Variants in RAD18 observed in about 807,000 individuals in gnomAD.
The protein encoded by RAD18 is RAD18 E3 ubiquitin protein ligase.
A neutral mutation model predicts 60.4 loss-of-function variants in RAD18; 47 were observed. That is an observed-to-expected ratio of 0.78 (90% CI 0.62 to 0.99). The LOEUF is 0.99. Among genes scored for constraint, RAD18 ranks in the 50% least tolerant of loss-of-function variants. The probability of loss-of-function intolerance (pLI) is 0.00; values close to 1 mark genes in which losing one functional copy is unlikely to be tolerated. For synonymous variants in RAD18, 225 were observed against 195.5 expected (o/e 1.15, Z -1.26); for missense variants, 640 against 593.3 (o/e 1.08, Z -0.82).
chr3:8,901,780 T>C (rs1939917344), intron 10 of RAD18, among the ~76,000 whole-genome samples: 1 of 152,206 alleles, frequency 6.6e-6, no homozygotes, highest in Non-Finnish European at 1.5e-5. Flanking sequence ...TGTACATTTA[T>C]GAAGGGTTAA....
chr3:8,954,833 G>A (rs1940981987), intron 2 of RAD18, among the ~76,000 whole-genome samples: 1 of 152,120 alleles, frequency 6.6e-6, no homozygotes, highest in African/African-American at 2.4e-5. Flanking sequence ...AGCCCTGGGG[G>A]TTTTGTGTCA....
In RAD18 at chr3:8,902,381, C is replaced by T. The variant is rs767373994; in HGVS notation, c.1167G>A (p.Met389Ile). 4 of 1,582,212 alleles carry T rather than the reference C, an allele frequency of 2.5e-6. No homozygotes were observed. The East Asian group carries it at 7.0e-5, about 28-fold the overall frequency. ...ESTEKLSSVC[M>I]GQEDNMTSVT... ...CTGTTTTTAATTATAGTCTCTTACC[C>T]ATGCATACAGAAGATAGCTTTTCTG... The change falls in exon 10 of 13, where the codon ATG becomes ATA. Residue 389 changes from methionine to isoleucine, a missense_variant and splice_region_variant. Physicochemically the swap from Met to Ile is conservative, Grantham distance 10. Coordinates refer to ENST00000264926, the MANE Select transcript of RAD18 (RefSeq NM_020165.4).
At chr3:8,926,771 T>A (rs1243224729) in intron 7 of RAD18, among the ~76,000 whole-genome samples, 4 of 150,904 alleles carry the variant, frequency 2.7e-5, no homozygotes, top group Non-Finnish European at 4.4e-5. Context: ...TACGACTATC[T>A]GATCTTTGAC....
At chr3:8,892,941 G>A (rs1186415107) in intron 11 of RAD18, among the ~76,000 whole-genome samples, 1 of 152,120 alleles carries the variant, frequency 6.6e-6, no homozygotes, top group Admixed American at 6.5e-5. Context: ...ATAAAATCAG[G>A]ATAATGATAC....
At chr3:8,913,618 T>C (rs935529865) in intron 8 of RAD18, 26 bp downstream of exon 8, 8 of 1,440,158 alleles carry the variant, frequency 5.6e-6, no homozygotes, top group Non-Finnish European at 7.5e-6. Context: ...TTTCTATCCA[T>C]ATACTGAAAT....
rs1371692638 is a variant in RAD18, at chr3:8,898,943, T to A, written c.1273A>T (p.Ile425Phe). The change falls in exon 11 of 13, where the codon ATT becomes TTT. Residue 425 changes from isoleucine (I) to phenylalanine (F), a missense_variant. Transcript: ENST00000264926. ...GAAGAAAGAACTTCTTGAATATCAA[T>A]ACAGCTAGAAGAATCCTCTTCTCTG... is the stretch of plus-strand genomic sequence containing the variant. ...PDREEDSSSC[I>F]DIQEVLSSSE... 1 of 1,606,436 alleles carries A rather than the reference T, an allele frequency of 6.2e-7. No homozygotes were observed. Among genetic ancestry groups the A allele is most frequent in the South Asian group, 1.1e-5 (1 of 89,638 alleles).
At chr3:8,883,357 T>C (rs250405) in intron 12 of RAD18, among the ~76,000 whole-genome samples, 106,084 of 152,030 alleles carry the variant, frequency 0.7, 39,263 homozygotes, top group South Asian at 0.86. Context: ...GGATTTGTTG[T>C]TGTTGCTGTT....
chr3:8,943,211 T>C (rs903668330), intron 4 of RAD18, among the ~76,000 whole-genome samples: 1 of 151,980 alleles, frequency 6.6e-6, no homozygotes, highest in Non-Finnish European at 1.5e-5. Flanking sequence ...TTATTGAACA[T>C]GCAAAGAAGC....
intron 11 of RAD18, among the ~76,000 whole-genome samples, chr3:8,897,316 C>G (rs1939803901): frequency 6.6e-6 from 1 of 152,074 alleles, no homozygotes; most frequent in South Asian, 2.1e-4. Flanking sequence ...CAACACTGAA[C>G]CCCACAAGGA....
chr3:8,947,775 G>A (rs950353828), intron 3 of RAD18, among the ~76,000 whole-genome samples: 21 of 152,178 alleles, frequency 1.4e-4, no homozygotes, highest in African/African-American at 4.3e-4. Flanking sequence ...TTATCTCAGC[G>A]ATGAGACCAT....
intron 4 of RAD18, 143 bp from the exon 5 acceptor site, chr3:8,941,947 C>A (rs146480668): frequency 5.5e-6 from 4 of 722,344 alleles, no homozygotes; most frequent in Admixed American, 2.9e-5. Flanking sequence ...AAAGTTTCTT[C>A]TAGTATAACT....
rs1362767197 is a variant in RAD18, at chr3:8,941,450, T to C, written c.604+17A>G. On this transcript the variant is annotated intron_variant, in intron 5 of 12. Transcript: ENST00000264926. ...GAAAAGATGTCCATATTTCCACATA[T>C]GAAAATAACTTCCTACCTTTAGTAA... The C allele has an allele frequency of 5.8e-6, 9 of 1,543,856 alleles. No individual in the cohort carries two copies. Among genetic ancestry groups the C allele is most frequent in the African/African-American group, 1.4e-5 (1 of 72,706 alleles).
intron 1 of RAD18, among the ~76,000 whole-genome samples, chr3:8,961,642 A>T (rs1941096370): frequency 6.6e-6 from 1 of 152,210 alleles, no homozygotes; most frequent in South Asian, 2.1e-4. Flanking sequence ...AAATTGGCAG[A>T]TGTGTTATAA....
chr3:8,955,228 A>T (rs1940988734), intron 2 of RAD18, among the ~76,000 whole-genome samples: 1 of 152,156 alleles, frequency 6.6e-6, no homozygotes, highest in Non-Finnish European at 1.5e-5. Flanking sequence ...CTCACTGGCC[A>T]GTGTGCCTCC....
At position 8,941,652 on chromosome 3, in the gene RAD18, T is replaced by C. The variant is rs767806598; in HGVS notation, c.419A>G (p.Glu140Gly). 21 of 1,614,058 alleles carry C rather than the reference T, an allele frequency of 1.3e-5. No individual in the cohort carries two copies. The highest frequency in any genetic ancestry group is 1.8e-5 in the Non-Finnish European group (21 of 1,180,030). The change falls in exon 5 of 13, where the codon GAA becomes GGA. Residue 140 changes from glutamate to glycine, a missense_variant. Glu to Gly is a moderately conservative substitution (Grantham distance 98, BLOSUM62 -2). Transcript: ENST00000264926. Reference protein sequence around the residue: ...SRLMDNFLIREMSGSTSELLI... With the variant: ...SRLMDNFLIRGMSGSTSELLI... The stretch of plus-strand genomic sequence containing the variant: ...CAACTCTGATGTAGAACCACTCATT[T>C]CTCTGATCAAGAAATTATCCATTAA...
intron 1 of RAD18, among the ~76,000 whole-genome samples, chr3:8,960,177 C>T (rs1941073452): frequency 6.6e-6 from 1 of 152,100 alleles, no homozygotes; most frequent in Admixed American, 6.5e-5. Context: ...AGTAGTGGCG[C>T]ATGCCTGTAG....
At chr3:8,892,299 T>A (rs766963122) in intron 11 of RAD18, among the ~76,000 whole-genome samples, 2 of 152,198 alleles carry the variant, frequency 1.3e-5, no homozygotes, top group Non-Finnish European at 2.9e-5. Context: ...GTTTGGTACA[T>A]GAACGTTACA....
At chr3:8,920,235 T>C (rs1186486238) in intron 7 of RAD18, among the ~76,000 whole-genome samples, 1 of 138,836 alleles carries the variant, frequency 7.2e-6, no homozygotes, top group Non-Finnish European at 1.5e-5. Flanking sequence ...GCCGAGATCG[T>C]GCCACTGCAC....
rs920499736 is a variant in RAD18 at position 8,912,307 on chromosome 3, C to T, written c.1027+5G>A. The T allele has an allele frequency of 6.4e-7, 1 of 1,550,816 alleles. No individual in the cohort carries two copies. Among genetic ancestry groups the T allele is most frequent in the African/African-American group, 1.4e-5 (1 of 71,652 alleles). On this transcript the variant is annotated splice_donor_5th_base_variant and intron_variant, in intron 9 of 12. Coordinates refer to ENST00000264926, the MANE Select transcript of RAD18 (RefSeq NM_020165.4). ...TTACAAATTAAATAAAGTCGTGCAA[C>T]TTACGATATTTACTGTGGATTTCAT...
Sources: gnomAD v4.1 joint callset for allele counts (sites outside exome capture counted in the v4.1 genomes callset) on GRCh38, gnomAD v4.1.1 for gene constraint, MANE v1.5 for transcripts, NCBI Gene and HGNC (gene_info 2026-07-23, HGNC 2026-07-21) for gene names.